ASAP1: variants seen among roughly 807,000 people sequenced by gnomAD.
ASAP1 encodes the protein ArfGAP with SH3 domain, ankyrin repeat and PH domain 1.
In ASAP1, 43 loss-of-function variants were observed where a neutral mutation model predicts 145.2. The ratio of observed to expected loss-of-function variants is 0.30; its 90% CI spans 0.23 to 0.38. The LOEUF is 0.38. Among genes scored for constraint, ASAP1 ranks in the 10% least tolerant of loss-of-function variants. ASAP1 has a pLI of 1.00. For missense variants in ASAP1, 1,018 were observed against 1,355.3 expected, an observed-to-expected ratio of 0.75 and a Z score of 3.91; for synonymous variants, 546 against 515.5, an observed-to-expected ratio of 1.06 and a Z score of -0.80.
chr8:130,294,583 C>T (rs1164333754), intron 3 of ASAP1, among the ~76,000 whole-genome samples: 2 of 152,204 alleles, frequency 1.3e-5, no homozygotes, highest in African/African-American at 2.4e-5. Context: ...GATAATACAT[C>T]TAAAGTATGT....
At chr8:130,366,271 T>G (rs184721694) in intron 2 of ASAP1, among the ~76,000 whole-genome samples, 1 of 152,228 alleles carries the variant, frequency 6.6e-6, no homozygotes, top group Non-Finnish European at 1.5e-5. Context: ...AGTATAAAGT[T>G]TGGCACACCA....
intron 5 of ASAP1, among the ~76,000 whole-genome samples, chr8:130,189,519 T>C (rs909128609): frequency 6.6e-6 from 1 of 152,260 alleles, no homozygotes; most frequent in Non-Finnish European, 1.5e-5. Context: ...TATTCCATTG[T>C]GTATATATAC....
intron 27 of ASAP1, among the ~76,000 whole-genome samples, chr8:130,073,644 A>G (rs749001678): frequency 1.3e-4 from 20 of 152,178 alleles, no homozygotes; most frequent in Admixed American, 3.9e-4. Context: ...GCAGGGGAGA[A>G]GCAGTGACTG....
At chr8:130,062,198 T>G (rs1038071206) in intron 27 of ASAP1, among the ~76,000 whole-genome samples, 1 of 152,234 alleles carries the variant, frequency 6.6e-6, no homozygotes, top group African/African-American at 2.4e-5. Context: ...GCCAAGGACA[T>G]AGCCTGCACT....
At chr8:130,169,181 C>G (rs965492304) in intron 9 of ASAP1, 114 bp from the exon 10 acceptor site, 1 of 616,054 alleles carries the variant, frequency 1.6e-6, no homozygotes, top group African/African-American at 1.9e-5. Flanking sequence ...TGAAAATACA[C>G]TTATCTGTAT....
chr8:130,194,753 T>TA (rs1261466304), intron 5 of ASAP1, among the ~76,000 whole-genome samples: 1 of 152,160 alleles, frequency 6.6e-6, no homozygotes, highest in Non-Finnish European at 1.5e-5. Flanking sequence ...TTTGAGAATC[T>TA]AATGTCACCG....
chr8:130,245,549 C>G (rs1978551), intron 3 of ASAP1, among the ~76,000 whole-genome samples: 112,096 of 152,068 alleles, frequency 0.74, 41,587 homozygotes, highest in East Asian at 0.93. Context: ...TTTAGTCCAT[C>G]CAAGAAAACA....
intron 25 of ASAP1, among the ~76,000 whole-genome samples, chr8:130,080,834 T>C (rs1421425343): frequency 1.3e-5 from 2 of 152,166 alleles, no homozygotes; most frequent in Non-Finnish European, 2.9e-5. Context: ...GGTTTCACCA[T>C]GTTAGCCAGG....
chr8:130,132,205 A>G (rs1182988345), intron 15 of ASAP1, among the ~76,000 whole-genome samples: 3 of 152,208 alleles, frequency 2.0e-5, no homozygotes, highest in Admixed American at 6.5e-5. Flanking sequence ...ACTAGGGACA[A>G]AAGTCCCTAC....
At chr8:130,297,024 T>TA (rs1424643065) in intron 3 of ASAP1, among the ~76,000 whole-genome samples, 4 of 152,094 alleles carry the variant, frequency 2.6e-5, no homozygotes, top group African/African-American at 9.7e-5. Context: ...GAAATTTCAT[T>TA]AAAAAACTGA....
chr8:130,111,319 A>G (rs2097546476), intron 24 of ASAP1, among the ~76,000 whole-genome samples: 1 of 150,602 alleles, frequency 6.6e-6, no homozygotes, highest in South Asian at 2.1e-4. Flanking sequence ...AGCCCCGGAG[A>G]TGGAGGCGAC....
chr8:130,064,072 T>C (rs573049816), intron 27 of ASAP1, among the ~76,000 whole-genome samples: 1 of 152,210 alleles, frequency 6.6e-6, no homozygotes, highest in East Asian at 1.9e-4. Flanking sequence ...ACACCAGCCA[T>C]GCTGATATCT....
chr8:130,276,728 A>ACACTCTCTCTCTCTCTCTCT (rs548512902), intron 3 of ASAP1, among the ~76,000 whole-genome samples: 47 of 87,306 alleles, frequency 5.4e-4, no homozygotes, highest in Non-Finnish European at 8.4e-4. Context: ...ACACACACAC[A>ACACTCTCTCTCTCTCTCTCT]CTCTCTCTCT....
intron 3 of ASAP1, among the ~76,000 whole-genome samples, chr8:130,242,161 T>A (rs1818566010): frequency 6.8e-6 from 1 of 148,074 alleles, no homozygotes; most frequent in Middle Eastern, 3.4e-3. Context: ...TGACCAGCTA[T>A]CATTACTCTC....
intron 8 of ASAP1, among the ~76,000 whole-genome samples, chr8:130,179,838 C>T (rs567542212): frequency 3.3e-5 from 5 of 151,840 alleles, no homozygotes; most frequent in Admixed American, 1.3e-4. Context: ...TAACTAAACA[C>T]AGTAGTGTAC....
At chr8:130,425,947 A>G (rs1326544244) in intron 1 of ASAP1, among the ~76,000 whole-genome samples, 2 of 152,118 alleles carry the variant, frequency 1.3e-5, no homozygotes. Flanking sequence ...AGCCGTCCCC[A>G]CCACTGCCGC....
At chr8:130,311,052 G>C (rs1400241665) in intron 3 of ASAP1, among the ~76,000 whole-genome samples, 1 of 152,202 alleles carries the variant, frequency 6.6e-6, no homozygotes, top group Non-Finnish European at 1.5e-5. Context: ...ACAGTGGGGA[G>C]GACAGCCATT....
intron 1 of ASAP1, among the ~76,000 whole-genome samples, chr8:130,430,894 C>T (rs1376128089): frequency 6.6e-6 from 1 of 152,216 alleles, no homozygotes; most frequent in Non-Finnish European, 1.5e-5. Flanking sequence ...CTTCCTGTTC[C>T]ACTTAAGGAG....
Position 130,232,126 on chromosome 8 carries a change from T to C in ASAP1, c.259+4796A>G, listed in dbSNP as rs116446817. 6.6e-5 allele frequency among the ~76,000 whole-genome samples: 10 copies of C among 152,252 alleles called. No individual in the cohort carries two copies. In the East Asian group the frequency reaches 1.5e-3, roughly 23 times the overall value. On this transcript the variant is annotated intron_variant, in intron 4 of 29. Coordinates refer to ENST00000518721, the MANE Select transcript of ASAP1 (RefSeq NM_018482.4). ...TCAGAAAAAGAACAGAAGGACGAGG[T>C]TGAAGCTATCTTGTCTATGGACTGG...
Sources: allele counts gnomAD v4.1 joint callset (sites outside exome capture counted in the v4.1 genomes callset), GRCh38; gene constraint gnomAD v4.1.1; transcripts MANE v1.5; gene names NCBI Gene and HGNC (gene_info 2026-07-23, HGNC 2026-07-21).